Variants in DIAPH3 observed in about 807,000 individuals in gnomAD.
The protein encoded by DIAPH3 is diaphanous related formin 3, also known as protein diaphanous homolog 3.
In DIAPH3, 117 loss-of-function variants were observed where a neutral mutation model predicts 144.3. That is an observed-to-expected ratio of 0.81 (90% confidence interval 0.70 to 0.95). The LOEUF (loss-of-function observed/expected upper bound fraction) is 0.95, where lower values mean the gene tolerates loss of function less well. DIAPH3 is among the 40% of genes least tolerant of loss of function. The probability of loss-of-function intolerance (pLI) is 0.00; values close to 1 mark genes in which losing one functional copy is unlikely to be tolerated. For missense variants in DIAPH3, 1,421 were observed against 1,412.7 expected, an observed-to-expected ratio of 1.01 and a Z score of -0.09; for synonymous variants, 519 against 488.9, an observed-to-expected ratio of 1.06 and a Z score of -0.81.
At chr13:59,980,390 G>T (rs961291666) in intron 14 of DIAPH3, among the ~76,000 whole-genome samples, 2 of 151,378 alleles carry the variant, frequency 1.3e-5, no homozygotes, top group Non-Finnish European at 3.0e-5. Context: ...CATACATTTT[G>T]CTCCATCATC....
At chr13:59,863,578 T>C (rs564875581) in intron 21 of DIAPH3, among the ~76,000 whole-genome samples, 2 of 152,130 alleles carry the variant, frequency 1.3e-5, no homozygotes, top group Non-Finnish European at 2.9e-5. Context: ...AAAACTATCA[T>C]AGAGCCGGGA....
chr13:60,125,747 T>C (rs1321535619), intron 2 of DIAPH3, among the ~76,000 whole-genome samples: 1 of 152,166 alleles, frequency 6.6e-6, no homozygotes, highest in Non-Finnish European at 1.5e-5. Context: ...CATAAAACAT[T>C]ATCAGATAGG....
intron 5 of DIAPH3, among the ~76,000 whole-genome samples, chr13:60,031,413 T>G (rs1216745399): frequency 6.6e-6 from 1 of 152,120 alleles, no homozygotes; most frequent in Admixed American, 6.6e-5. Flanking sequence ...CCAATCTGTA[T>G]CAGTCTGCCC....
At chr13:60,022,829 T>C (rs1357148868) in intron 5 of DIAPH3, among the ~76,000 whole-genome samples, 2 of 152,184 alleles carry the variant, frequency 1.3e-5, no homozygotes, top group African/African-American at 4.8e-5. Flanking sequence ...TTTCTGAGAG[T>C]TTTCATTATG....
chr13:59,784,765 C>T (rs765755982), intron 25 of DIAPH3, among the ~76,000 whole-genome samples: 12 of 151,984 alleles, frequency 7.9e-5, no homozygotes, highest in Non-Finnish European at 1.6e-4. Flanking sequence ...GCACAGTTTC[C>T]CCAAAGGTTG....
intron 5 of DIAPH3, 69 bp from the exon 6 acceptor site, chr13:60,016,214 A>G (rs2053638248): frequency 7.5e-7 from 1 of 1,340,578 alleles, no homozygotes; most frequent in East Asian, 2.3e-5. Flanking sequence ...TTATATACCT[A>G]CAAGTATTTT....
At chr13:59,835,146 G>T (rs1290792019) in intron 23 of DIAPH3, among the ~76,000 whole-genome samples, 1 of 151,748 alleles carries the variant, frequency 6.6e-6, no homozygotes, top group Admixed American at 6.6e-5. Context: ...GCATCATTCA[G>T]TCCTATGTGT....
Position 59,797,529 on chromosome 13 carries a change from A to G in DIAPH3, c.3163+13259T>C, listed in dbSNP as rs868738860. Among the ~76,000 whole-genome samples the G allele has an allele frequency of 9.2e-5, 14 of 152,328 alleles. No individual in the cohort carries two copies. In the South Asian group the frequency reaches 2.9e-3, roughly 32 times the overall value. On this transcript the variant is annotated intron_variant, in intron 25 of 27. Coordinates refer to ENST00000400324, the MANE Select transcript of DIAPH3 (RefSeq NM_001042517.2). The stretch of plus-strand genomic sequence containing the variant: ...AGGAGCCTTGGGAATGTCTTTCAGA[A>G]TGTTAGATAAGGTGTAATTAGTACC...
intron 5 of DIAPH3, among the ~76,000 whole-genome samples, chr13:60,027,004 T>C (rs2054422024): frequency 6.6e-6 from 1 of 152,226 alleles, no homozygotes; most frequent in Non-Finnish European, 1.5e-5. Context: ...TTTTGTACCT[T>C]AAACTTGGAA....
At chr13:59,971,382 T>A (rs1332277067) in intron 15 of DIAPH3, among the ~76,000 whole-genome samples, 5 of 152,278 alleles carry the variant, frequency 3.3e-5, no homozygotes, top group Non-Finnish European at 5.9e-5. Context: ...GCCAGAAGTA[T>A]AATTCCCTGT....
At chr13:60,041,780 C>T (rs1002499067) in intron 5 of DIAPH3, among the ~76,000 whole-genome samples, 6 of 152,058 alleles carry the variant, frequency 3.9e-5, no homozygotes, top group African/African-American at 4.8e-5. Context: ...ATCTACAATC[C>T]TTGTAGCTCT....
chr13:59,693,546 T>C lies in DIAPH3; in HGVS notation c.3320-26700A>G, dbSNP rs528713890. ...AGTAGATGCTCTTGGATGGTCTTTA[T>C]ATAGTATCGGAATTATTTGCAATCT... On this transcript the variant is annotated intron_variant, in intron 27 of 27. Coordinates refer to ENST00000400324, the MANE Select transcript of DIAPH3 (RefSeq NM_001042517.2). Among the ~76,000 whole-genome samples, 23 of 152,286 alleles carry C rather than the reference T, an allele frequency of 1.5e-4. No homozygotes were observed. The South Asian group carries it at 1.7e-3, about 11-fold the overall frequency.
chr13:60,134,111 C>A (rs1472496204), intron 1 of DIAPH3, among the ~76,000 whole-genome samples: 2 of 152,162 alleles, frequency 1.3e-5, no homozygotes, highest in Non-Finnish European at 2.9e-5. Flanking sequence ...CAAGATGTTC[C>A]TTCTTCTAGT....
At chr13:59,732,760 A>G (rs958568215) in intron 27 of DIAPH3, among the ~76,000 whole-genome samples, 2 of 152,048 alleles carry the variant, frequency 1.3e-5, no homozygotes, top group Non-Finnish European at 2.9e-5. Flanking sequence ...TGATAGATAT[A>G]TATATATCTG....
chr13:59,763,403 C>T (rs1323995741), intron 27 of DIAPH3, among the ~76,000 whole-genome samples: 2 of 151,940 alleles, frequency 1.3e-5, no homozygotes, highest in Admixed American at 1.3e-4. Context: ...TTAGGCTGTG[C>T]ATGGTGGCTC....
intron 3 of DIAPH3, among the ~76,000 whole-genome samples, chr13:60,094,057 T>C (rs558382471): frequency 2.4e-4 from 37 of 152,346 alleles, no homozygotes; most frequent in Non-Finnish European, 3.7e-4. Flanking sequence ...ACAATTTCAA[T>C]ATATTTATTT....
At chr13:60,065,253 T>TAAAAAAA (rs11344639) in intron 4 of DIAPH3, among the ~76,000 whole-genome samples, 2 of 88,276 alleles carry the variant, frequency 2.3e-5, no homozygotes, top group Non-Finnish European at 2.3e-5. Context: ...TTTAATTTAT[T>TAAAAAAA]AAAAAAAAAA....
In DIAPH3 at chr13:59,861,466, T is replaced by A; in HGVS notation, c.2678A>T (p.Lys893Met). Residue 893 changes from lysine (K) to methionine (M), a missense_variant, in exon 22 of 28, where the codon AAG becomes ATG. Transcript: ENST00000400324. ...CACAAAATTCAGTATATCAGGGTACTTCTCTTCACATATTTCTACCAGGAA... is the reference window on the plus strand; with the variant it reads ...CACAAAATTCAGTATATCAGGGTACATCTCTTCACATATTTCTACCAGGAA... Reference protein sequence around the residue: ...LHFLVEICEEKYPDILNFVDD... With the variant: ...LHFLVEICEEMYPDILNFVDD... 1 of 1,613,868 alleles carries A rather than the reference T, an allele frequency of 6.2e-7. No homozygotes were observed. The highest frequency in any genetic ancestry group is 2.2e-5 in the East Asian group (1 of 44,786).
At chr13:59,832,360 G>A (rs952688971) in intron 24 of DIAPH3, among the ~76,000 whole-genome samples, 4 of 151,706 alleles carry the variant, frequency 2.6e-5, no homozygotes, top group Non-Finnish European at 5.9e-5. Context: ...AAAAGAACCA[G>A]TTCTTTAAAT....
Sources: gnomAD v4.1 joint callset for allele counts (sites outside exome capture counted in the v4.1 genomes callset) on GRCh38, gnomAD v4.1.1 for gene constraint, MANE v1.5 for transcripts, NCBI Gene and HGNC (gene_info 2026-07-23, HGNC 2026-07-21) for gene names.